ARHGAP24: variants seen among roughly 807,000 people sequenced by gnomAD.
The protein encoded by ARHGAP24 is rho GTPase-activating protein 24.
Under a neutral mutation model 76.4 loss-of-function variants are expected in ARHGAP24, and 50 were observed. That is an observed-to-expected ratio of 0.65 (90% confidence interval 0.52 to 0.83). The LOEUF (loss-of-function observed/expected upper bound fraction) is 0.83. Ranked by LOEUF, ARHGAP24 falls within the 40% of genes least tolerant of loss-of-function variation. ARHGAP24 has a pLI of 0.00. For synonymous variants in ARHGAP24, 345 were observed against 323.3 expected (o/e 1.07, Z -0.72); for missense variants, 930 against 914.2 (o/e 1.02, Z -0.22).
At chr4:85,697,008 A>G (rs1351665239) in intron 2 of ARHGAP24, among the ~76,000 whole-genome samples, 1 of 152,176 alleles carries the variant, frequency 6.6e-6, no homozygotes, top group Non-Finnish European at 1.5e-5. Flanking sequence ...ATAATATCGG[A>G]GGATAATGAA....
intron 1 of ARHGAP24, among the ~76,000 whole-genome samples, chr4:85,534,119 G>T (rs1265547332): frequency 6.6e-6 from 1 of 152,130 alleles, no homozygotes; most frequent in Non-Finnish European, 1.5e-5. Context: ...TAGAAGGGAG[G>T]CTATCACAGA....
chr4:85,886,984 A>G (rs1733601062), intron 3 of ARHGAP24, among the ~76,000 whole-genome samples: 1 of 152,128 alleles, frequency 6.6e-6, no homozygotes. Context: ...TCAATCAGAT[A>G]ATGATTGCAT....
intron 3 of ARHGAP24, among the ~76,000 whole-genome samples, chr4:85,844,989 A>C (rs980953217): frequency 1.3e-5 from 2 of 152,228 alleles, no homozygotes; most frequent in African/African-American, 4.8e-5. Context: ...GATATCATTG[A>C]CCGAGAGGTT....
chr4:85,869,083 C>G (rs1409652755), intron 3 of ARHGAP24, among the ~76,000 whole-genome samples: 1 of 152,082 alleles, frequency 6.6e-6, no homozygotes, highest in Non-Finnish European at 1.5e-5. Flanking sequence ...CTTACCAATG[C>G]AATTGGCCCC....
At position 85,648,612 on chromosome 4, in the gene ARHGAP24, A is replaced by G. The variant is rs186282377; in HGVS notation, c.181-73273A>G. On this transcript the variant is annotated intron_variant, in intron 2 of 9. Transcript: ENST00000395184. ...CAAAGATGTAATATTGCCATTTATCATCACAAATCATAAACCAAATATGTC... is the reference window on the plus strand; with the variant it reads ...CAAAGATGTAATATTGCCATTTATCGTCACAAATCATAAACCAAATATGTC... Among the ~76,000 whole-genome samples, 88 of 152,256 alleles carry G rather than the reference A, an allele frequency of 5.8e-4. 1 individual carries two copies. Among genetic ancestry groups the G allele is most frequent in the Admixed American group, 1.9e-3 (29 of 15,258 alleles).
chr4:85,682,377 G>C (rs1055425063), intron 2 of ARHGAP24, among the ~76,000 whole-genome samples: 5 of 152,200 alleles, frequency 3.3e-5, no homozygotes, highest in Non-Finnish European at 5.9e-5. Flanking sequence ...ATAGCCAGTG[G>C]TTTGTGTTGT....
intron 5 of ARHGAP24, among the ~76,000 whole-genome samples, chr4:85,961,066 A>G (rs553570776): frequency 7.8e-4 from 119 of 152,280 alleles, no homozygotes; most frequent in African/African-American, 2.6e-3. Context: ...CTTACAAAGT[A>G]GTCCAAACAG....
chr4:85,664,556 T>C (rs1264578735), intron 2 of ARHGAP24, among the ~76,000 whole-genome samples: 3 of 150,666 alleles, frequency 2.0e-5, no homozygotes, highest in Non-Finnish European at 4.4e-5. Flanking sequence ...TTCTGCTAGC[T>C]TTTGAATGTG....
At chr4:85,662,732 A>C (rs930109285) in intron 2 of ARHGAP24, among the ~76,000 whole-genome samples, 3 of 152,182 alleles carry the variant, frequency 2.0e-5, no homozygotes. Context: ...AGCTTTCTAC[A>C]TATGGCCAGC....
intron 3 of ARHGAP24, among the ~76,000 whole-genome samples, chr4:85,871,276 C>A (rs1732510851): frequency 6.6e-6 from 1 of 152,064 alleles, no homozygotes; most frequent in Non-Finnish European, 1.5e-5. Context: ...AAAAAATCAG[C>A]TACTGCTTTA....
At chr4:85,655,822 G>GAGAGAA (rs1553920546) in intron 2 of ARHGAP24, among the ~76,000 whole-genome samples, 36 of 107,886 alleles carry the variant, frequency 3.3e-4, no homozygotes, top group African/African-American at 1.1e-3. Context: ...GAGAGAAAGA[G>GAGAGAA]AGAGAGAGAG....
intron 3 of ARHGAP24, among the ~76,000 whole-genome samples, chr4:85,764,291 G>A (rs1726846053): frequency 6.6e-6 from 1 of 151,988 alleles, no homozygotes. Context: ...TATAGTGTGA[G>A]GGCTCTCGTG....
At chr4:85,533,140 A>G (rs1321504114) in intron 1 of ARHGAP24, among the ~76,000 whole-genome samples, 1 of 152,216 alleles carries the variant, frequency 6.6e-6, no homozygotes, top group Non-Finnish European at 1.5e-5. Context: ...GAGTTTAAAA[A>G]GACAAGTGGC....
At chr4:85,717,527 A>T (rs1724779548) in intron 2 of ARHGAP24, among the ~76,000 whole-genome samples, 1 of 152,160 alleles carries the variant, frequency 6.6e-6, no homozygotes, top group African/African-American at 2.4e-5. Flanking sequence ...ACACATTCTC[A>T]GCACATGTAA....
intron 3 of ARHGAP24, among the ~76,000 whole-genome samples, chr4:85,888,402 G>GAAAAGA (rs1733692791): frequency 8.0e-6 from 1 of 125,188 alleles, no homozygotes; most frequent in Admixed American, 8.6e-5. Context: ...TTCCTCTCAA[G>GAAAAGA]AAAAAAAAAA....
intron 8 of ARHGAP24, among the ~76,000 whole-genome samples, chr4:85,989,798 T>C (rs554775931): frequency 6.9e-6 from 1 of 145,276 alleles, no homozygotes; most frequent in Non-Finnish European, 1.5e-5. Context: ...CGGATGCAGA[T>C]AAAAAAATTG....
At chr4:85,490,021 T>A (rs556362950) in intron 1 of ARHGAP24, among the ~76,000 whole-genome samples, 7 of 152,328 alleles carry the variant, frequency 4.6e-5, no homozygotes, top group Admixed American at 1.3e-4. Context: ...TGACATCATT[T>A]ATGAGCTGTA....
chr4:85,524,970 A>G (rs77310439), intron 1 of ARHGAP24, among the ~76,000 whole-genome samples: 3 of 152,108 alleles, frequency 2.0e-5, no homozygotes, highest in Non-Finnish European at 4.4e-5. Flanking sequence ...CCCCAATACT[A>G]TTGATTTATT....
chr4:85,602,836 T>G (rs190284229), intron 2 of ARHGAP24, among the ~76,000 whole-genome samples: 8 of 152,342 alleles, frequency 5.3e-5, no homozygotes, highest in Admixed American at 5.2e-4. Flanking sequence ...CAGTTCTTGA[T>G]GAAAAGCAAT....
Sources: gnomAD v4.1 joint callset for allele counts (sites outside exome capture counted in the v4.1 genomes callset) on GRCh38, gnomAD v4.1.1 for gene constraint, MANE v1.5 for transcripts, NCBI Gene and HGNC (gene_info 2026-07-23, HGNC 2026-07-21) for gene names.